MAPK11: variants seen among roughly 807,000 people sequenced by gnomAD.
MAPK11 encodes the protein MAP kinase 11.
In MAPK11, 44 loss-of-function variants were observed where a neutral mutation model predicts 52.2. The ratio of observed to expected loss-of-function variants is 0.84; its 90% CI spans 0.66 to 1.08. The LOEUF (loss-of-function observed/expected upper bound fraction) is 1.08. Among genes scored for constraint, MAPK11 ranks in the 50% least tolerant of loss-of-function variants. The probability of loss-of-function intolerance (pLI) is 0.00; values close to 1 mark genes in which losing one functional copy is unlikely to be tolerated. For synonymous variants in MAPK11, 233 were observed against 206.3 expected, an observed-to-expected ratio of 1.13 and a Z score of -1.11; for missense variants, 436 against 494.7, an observed-to-expected ratio of 0.88 and a Z score of 1.13.
intron 2 of MAPK11, 86 bp from the exon 3 acceptor site, chr22:50,267,713 G>C (rs1171310843): frequency 7.0e-7 from 1 of 1,430,662 alleles, no homozygotes; most frequent in Non-Finnish European, 9.2e-7. Flanking sequence ...GTGCCAGGCC[G>C]CGCCCCCTGT....
chr22:50,270,296 C>T lies in MAPK11; in HGVS notation c.-4G>A. 1 of 1,298,236 alleles carries T rather than the reference C, an allele frequency of 7.7e-7. No homozygotes were observed. The highest frequency in any genetic ancestry group is 9.8e-7 in the Non-Finnish European group (1 of 1,015,688). 80.4% of individuals were successfully genotyped at this position (1,298,236 alleles called of 1,614,324 possible). The stretch of plus-strand genomic sequence containing the variant: ...AGCCGGCGCGAGGGCCCGACATGTC[C>T]GGAGCAGCCGCCGCTCCGCCCGGGC... On this transcript the variant is annotated 5_prime_UTR_variant, in exon 1 of 12. Coordinates refer to ENST00000330651, the MANE Select transcript of MAPK11 (RefSeq NM_002751.7). The surrounding 1 kb of genome is among the most constrained non-coding windows in gnomAD (Gnocchi z 6.3).
intron 8 of MAPK11, 72 bp from the exon 9 acceptor site, chr22:50,266,377 G>T: frequency 6.7e-7 from 1 of 1,487,998 alleles, no homozygotes. Context: ...AAACTTTGGG[G>T]CGCTGCCCAG....
At chr22:50,269,385 C>T (rs1318327100) in intron 1 of MAPK11, among the ~76,000 whole-genome samples, 1 of 152,202 alleles carries the variant, frequency 6.6e-6, no homozygotes, top group Non-Finnish European at 1.5e-5. Context: ...CTGCCTCTGC[C>T]TTTGCGCCCC....
In MAPK11 at chr22:50,267,495, CA is replaced by C. The variant is rs1409195733; in HGVS notation, c.306-14del. ...GGTCACCAAGTACCTGGGGCGGGGT[CA>C]GGGGGTCAGGACAGGGCCCCACCGC... On this transcript the variant is annotated splice_polypyrimidine_tract_variant and intron_variant, in intron 3 of 11. Coordinates refer to ENST00000330651, the MANE Select transcript of MAPK11 (RefSeq NM_002751.7). The C allele has an allele frequency of 1.9e-6, 3 of 1,593,596 alleles. No individual in the cohort carries two copies. Among genetic ancestry groups the C allele is most frequent in the Admixed American group, 1.7e-5 (1 of 57,214 alleles).
At chr22:50,265,726 C>A in intron 9 of MAPK11, 66 bp from the exon 10 acceptor site, 1 of 1,037,064 alleles carries the variant, frequency 9.6e-7, no homozygotes, top group Non-Finnish European at 1.4e-6. Context: ...CAAACTGGGG[C>A]TTCTCTTGGC....
chr22:50,266,918 G>A lies in MAPK11; in HGVS notation c.610+16C>T. The A allele has an allele frequency of 6.2e-7, 1 of 1,603,722 alleles. No individual in the cohort carries two copies. The highest frequency in any genetic ancestry group is 1.1e-5 in the South Asian group (1 of 91,010). On this transcript the variant is annotated intron_variant, in intron 7 of 11. Transcript: ENST00000330651. The stretch of plus-strand genomic sequence containing the variant: ...AGGCCCTTGGCCTTCGTCCCCCCAA[G>A]GCCTTCCCCCTGCACCTGTTTGGTT...
intron 7 of MAPK11, 98 bp from the exon 8 acceptor site, chr22:50,266,709 C>G: frequency 8.3e-7 from 1 of 1,208,488 alleles, no homozygotes; most frequent in Non-Finnish European, 1.2e-6. Context: ...GGGCAGACCC[C>G]CTCCTCTGCC....
At chr22:50,269,679 A>AG (rs1213563367) in intron 1 of MAPK11, among the ~76,000 whole-genome samples, 1 of 151,984 alleles carries the variant, frequency 6.6e-6, no homozygotes, top group Non-Finnish European at 1.5e-5. Context: ...TTGTGGTCTG[A>AG]GGGGGAGTCT....
Position 50,270,186 on chromosome 22 carries a change from C to A in MAPK11, c.107G>T (p.Gly36Val). 1.4e-6 allele frequency: 2 copies of A among 1,469,716 alleles called. No individual in the cohort carries two copies. The highest frequency in any genetic ancestry group is 1.8e-6 in the Non-Finnish European group (2 of 1,114,050). The allele number at this position is 1,469,716 out of a possible 1,614,324, so 91.0% of individuals were successfully genotyped here. The part of the protein sequence containing the change: ...GLRPVGSGAY[G>V]SVCSAYDARL... ...TCTGCCCCGCCCCTACCAGACGGAG[C>A]CGTAGGCGCCGGAGCCCACCGGGCG... is the stretch of plus-strand genomic sequence containing the variant. Residue 36 changes from glycine to valine, a missense_variant, in exon 1 of 12, where the codon GGC (glycine) becomes GTC (valine). By Grantham distance (109) the Gly-to-Val change is moderately radical. Coordinates refer to ENST00000330651, the MANE Select transcript of MAPK11 (RefSeq NM_002751.7). The surrounding 1 kb of genome is among the most constrained non-coding windows in gnomAD (Gnocchi z 6.3).
intron 11 of MAPK11, 69 bp downstream of exon 11, chr22:50,265,252 C>A: frequency 6.3e-7 from 1 of 1,575,894 alleles, no homozygotes; most frequent in South Asian, 1.2e-5. Flanking sequence ...GGAACTGGGG[C>A]ATTTCCTGCC....
At position 50,270,275 on chromosome 22, in the gene MAPK11, G is replaced by C. The variant is rs1196601887; in HGVS notation, c.18C>G (p.Ala6=). 10 of 1,416,932 alleles carry C rather than the reference G, an allele frequency of 7.1e-6. No homozygotes were observed. The highest frequency in any genetic ancestry group is 1.5e-5 in the African/African-American group (1 of 67,244). The allele number at this position is 1,416,932 out of a possible 1,614,324, so 87.8% of individuals were successfully genotyped here. The stretch of plus-strand genomic sequence containing the variant: ...TGTTCAGCTCCTGCCGGTAGAAGCC[G>C]GCGCGAGGGCCCGACATGTCCGGAG... MSGPR[A]GFYRQELNKT... The change falls in exon 1 of 12, where the codon GCC becomes GCG. Residue 6 remains alanine (A), a synonymous_variant. Coordinates refer to ENST00000330651, the MANE Select transcript of MAPK11 (RefSeq NM_002751.7). This position sits in a 1 kb window ranked among gnomAD's most constrained non-coding sequence, Gnocchi z 6.3.
chr22:50,267,989 G>A (rs772273152), intron 1 of MAPK11, 40 bp from the exon 2 acceptor site: 86 of 1,499,312 alleles, frequency 5.7e-5, no homozygotes, highest in Non-Finnish European at 7.3e-5. Context: ...GGAGGGGTCC[G>A]AGGGCGGCCG....
At position 50,270,129 on chromosome 22, in the gene MAPK11, C is replaced by T. The variant is rs916444289; in HGVS notation, c.116+48G>A. The T allele has an allele frequency of 9.6e-7, 1 of 1,038,732 alleles. No individual in the cohort carries two copies. The highest frequency in any genetic ancestry group is 1.3e-6 in the Non-Finnish European group (1 of 784,866). 64.3% of individuals were successfully genotyped at this position (1,038,732 alleles called of 1,614,324 possible). The stretch of plus-strand genomic sequence containing the variant: ...CGCGGGCGAGGAGGGGACGCGCTCT[C>T]CGGCCCGGCCCGGCCCCCACCCAGC... On this transcript the variant is annotated intron_variant, in intron 1 of 11. Coordinates refer to ENST00000330651, the MANE Select transcript of MAPK11 (RefSeq NM_002751.7). The surrounding 1 kb of genome is among the most constrained non-coding windows in gnomAD (Gnocchi z 6.3).
chr22:50,267,352 G>A lies in MAPK11; in HGVS notation c.417+19C>T, dbSNP rs372021266. Reference sequence around the variant, plus strand: ...CCCGCCCCCCTGCGAGAGGACCCGCGAAGCCCAGGGCGCCCCACCTTCAGC... The same window carrying A: ...CCCGCCCCCCTGCGAGAGGACCCGCAAAGCCCAGGGCGCCCCACCTTCAGC... On this transcript the variant is annotated intron_variant, in intron 4 of 11. Transcript: ENST00000330651. 9.6e-6 allele frequency: 13 copies of A among 1,352,226 alleles called. No individual in the cohort carries two copies. The African/African-American group carries it at 1.8e-4, about 18-fold the overall frequency. The allele number at this position is 1,352,226 out of a possible 1,614,324, so 83.8% of individuals were successfully genotyped here.
In MAPK11 at chr22:50,266,528, G is replaced by A; in HGVS notation, c.682+12C>T. The A allele has an allele frequency of 1.3e-6, 2 of 1,516,502 alleles. No homozygotes were observed. The highest frequency in any genetic ancestry group is 1.8e-6 in the Non-Finnish European group (2 of 1,133,532). The allele number at this position is 1,516,502 out of a possible 1,614,324, so 93.9% of individuals were successfully genotyped here. On this transcript the variant is annotated intron_variant, in intron 8 of 11. Coordinates refer to ENST00000330651, the MANE Select transcript of MAPK11 (RefSeq NM_002751.7). ...CTGTTTGACCCTGCTCCCCAACCTG[G>A]GCCAAGGATACAGTCGCTTCCCGGG...
At chr22:50,269,402 AC>A (rs1288382515) in intron 1 of MAPK11, among the ~76,000 whole-genome samples, 4 of 151,896 alleles carry the variant, frequency 2.6e-5, no homozygotes, top group Non-Finnish European at 5.9e-5. Flanking sequence ...CCCCACCAGG[AC>A]CCCCCAGTGG....
chr22:50,264,934 T>G lies in MAPK11; in HGVS notation c.*14A>C. 8 of 1,605,846 alleles carry G rather than the reference T, an allele frequency of 5.0e-6. No homozygotes were observed. The highest frequency in any genetic ancestry group is 5.1e-6 in the Non-Finnish European group (6 of 1,176,560). The stretch of plus-strand genomic sequence containing the variant: ...AGCCCCTCCACAGGCTCTCAGGGGC[T>G]GCTGGGCAGCACCTCACTGCTCAAT... On this transcript the variant is annotated 3_prime_UTR_variant, in exon 12 of 12. Transcript: ENST00000330651.
intron 1 of MAPK11, among the ~76,000 whole-genome samples, 168 bp from the exon 2 acceptor site, chr22:50,268,117 A>C (rs2076140): frequency 0.73 from 110,545 of 152,092 alleles, 40,290 homozygotes; most frequent in Admixed American, 0.77. Flanking sequence ...GGGCCTACCC[A>C]CTCCGCGCTT....
At chr22:50,269,715 TG>T (rs2065293008) in intron 1 of MAPK11, among the ~76,000 whole-genome samples, 1 of 152,162 alleles carries the variant, frequency 6.6e-6, no homozygotes, top group Non-Finnish European at 1.5e-5. Flanking sequence ...GGAGAGATCT[TG>T]GCTTCCGGGA....
Sources: gnomAD v4.1 joint callset for allele counts (sites outside exome capture counted in the v4.1 genomes callset) on GRCh38, gnomAD v4.1.1 for gene constraint, Gnocchi (gnomAD v3.1) non-coding constraint, MANE v1.5 for transcripts, NCBI Gene and HGNC (gene_info 2026-07-23, HGNC 2026-07-21) for gene names.